Variants in ENTREP2 observed in about 807,000 individuals in gnomAD.
The protein encoded by ENTREP2 is protein ENTREP2.
chr15:29,542,780 G>A, the ENTREP2 span, among the ~76,000 whole-genome samples: 1 of 152,170 alleles, frequency 6.6e-6, no homozygotes, highest in African/African-American at 2.4e-5. Context: ...CTGCTTCTAT[G>A]AGTCTGGCTA....
chr15:29,137,986 G>A, the ENTREP2 span, among the ~76,000 whole-genome samples: 1 of 152,042 alleles, frequency 6.6e-6, no homozygotes, highest in Non-Finnish European at 1.5e-5. Flanking sequence ...CCTTCTTGGA[G>A]TCCTGCATTG....
the ENTREP2 span, among the ~76,000 whole-genome samples, chr15:29,291,692 C>T: frequency 6.6e-6 from 1 of 152,336 alleles, no homozygotes; most frequent in Non-Finnish European, 1.5e-5. Flanking sequence ...TGTTCATCTC[C>T]TCTTTGTGAG....
chr15:29,125,322 C>T, the ENTREP2 span, among the ~76,000 whole-genome samples: 2 of 152,120 alleles, frequency 1.3e-5, no homozygotes, highest in Non-Finnish European at 2.9e-5. Flanking sequence ...GAAGGTTTGA[C>T]GGGACTCTCT....
the ENTREP2 span, among the ~76,000 whole-genome samples, chr15:29,478,019 A>ATATATATTT: frequency 1.8e-5 from 1 of 54,284 alleles, no homozygotes; most frequent in African/African-American, 9.0e-5. Context: ...ATATATATAT[A>ATATATATTT]TTTTTTTTTT....
At chr15:29,334,129 G>A in the ENTREP2 span, among the ~76,000 whole-genome samples, 10 of 152,146 alleles carry the variant, frequency 6.6e-5, no homozygotes, top group African/African-American at 2.2e-4. Context: ...CTTGTCTATC[G>A]TACTTTGTTA....
chr15:29,591,988 G>A, the ENTREP2 span, among the ~76,000 whole-genome samples: 6 of 152,172 alleles, frequency 3.9e-5, no homozygotes, highest in Non-Finnish European at 8.8e-5. Flanking sequence ...ACTAGAAGAG[G>A]AAGGAAGGAT....
At chr15:29,330,299 T>A in the ENTREP2 span, among the ~76,000 whole-genome samples, 188 of 148,762 alleles carry the variant, frequency 1.3e-3, no homozygotes, top group African/African-American at 4.5e-3. Flanking sequence ...AAAAAAAAAA[T>A]TCAGCCAGGA....
the ENTREP2 span, among the ~76,000 whole-genome samples, chr15:29,259,455 A>T: frequency 6.6e-6 from 1 of 152,180 alleles, no homozygotes; most frequent in African/African-American, 2.4e-5. Flanking sequence ...CAAGGCTGCC[A>T]AAAGAGTTTA....
the ENTREP2 span, among the ~76,000 whole-genome samples, chr15:29,425,197 TTG>T: frequency 2.2e-5 from 2 of 91,386 alleles, no homozygotes; most frequent in Non-Finnish European, 5.2e-5. Context: ...TCCAGGTTTT[TTG>T]TTTTTTTTTT....
At chr15:29,450,732 A>T in the ENTREP2 span, among the ~76,000 whole-genome samples, 1 of 152,258 alleles carries the variant, frequency 6.6e-6, no homozygotes. Flanking sequence ...CATCAATGGT[A>T]GACTGGGTAA....
the ENTREP2 span, among the ~76,000 whole-genome samples, chr15:29,280,808 C>T: frequency 2.6e-5 from 4 of 152,174 alleles, no homozygotes; most frequent in Non-Finnish European, 2.9e-5. Context: ...GGTTTGCTGC[C>T]CCTTGAAGTT....
the ENTREP2 span, among the ~76,000 whole-genome samples, chr15:29,293,833 T>C: frequency 6.6e-6 from 1 of 152,314 alleles, no homozygotes; most frequent in East Asian, 1.9e-4. Flanking sequence ...CCATGCCAAG[T>C]CCAGGTATTC....
the ENTREP2 span, among the ~76,000 whole-genome samples, chr15:29,538,634 A>T: frequency 3.0e-5 from 4 of 132,900 alleles, no homozygotes; most frequent in Admixed American, 7.5e-5. Context: ...CTCTACTAAA[A>T]ATACAAAAAA....
At chr15:29,256,899 G>C in the ENTREP2 span, among the ~76,000 whole-genome samples, 4 of 151,778 alleles carry the variant, frequency 2.6e-5, no homozygotes, top group Non-Finnish European at 5.9e-5. Flanking sequence ...TATAATAGTA[G>C]CATAATACAC....
chr15:29,454,263 G>A, the ENTREP2 span, among the ~76,000 whole-genome samples: 1 of 152,204 alleles, frequency 6.6e-6, no homozygotes, highest in African/African-American at 2.4e-5. Flanking sequence ...AGAGTCCACT[G>A]CAGATTTTTT....
the ENTREP2 span, among the ~76,000 whole-genome samples, chr15:29,488,883 C>T: frequency 0.013 from 1,926 of 152,198 alleles, 38 homozygotes; most frequent in African/African-American, 0.045. Context: ...TATTGAATGG[C>T]TCCAATTGTA....
the ENTREP2 span, among the ~76,000 whole-genome samples, chr15:29,523,403 G>T: frequency 7.2e-5 from 11 of 151,976 alleles, no homozygotes; most frequent in African/African-American, 2.2e-4. Flanking sequence ...GATATAACTT[G>T]TACACTAAAA....
At chr15:29,551,261 A>C in the ENTREP2 span, among the ~76,000 whole-genome samples, 1 of 152,140 alleles carries the variant, frequency 6.6e-6, no homozygotes, top group Non-Finnish European at 1.5e-5. Context: ...CGTAGTGGGC[A>C]CAAGCAGGGT....
chr15:29,521,943 A>G, the ENTREP2 span, among the ~76,000 whole-genome samples: 1 of 152,094 alleles, frequency 6.6e-6, no homozygotes, highest in Non-Finnish European at 1.5e-5. Context: ...AGACCAATAC[A>G]GTATAATCTC....
Sources: allele counts gnomAD v4.1 joint callset (sites outside exome capture counted in the v4.1 genomes callset), GRCh38; gene constraint gnomAD v4.1.1; transcripts MANE v1.5; gene names NCBI Gene and HGNC (gene_info 2026-07-23, HGNC 2026-07-21).